The following ECHDC1 variants were observed in gnomAD, a reference collection of about 807,000 sequenced individuals.
ECHDC1 encodes ethylmalonyl-CoA decarboxylase 1.
In ECHDC1, 29 loss-of-function variants were observed where a neutral mutation model predicts 29.7. That is an observed-to-expected ratio of 0.98 (90% CI 0.73 to 1.33). ECHDC1 has a LOEUF of 1.33. Ranked by LOEUF, ECHDC1 falls within the 40% of genes most tolerant of loss-of-function variation. The pLI is 0.00. For synonymous variants in ECHDC1, 126 were observed against 123.1 expected, an observed-to-expected ratio of 1.02 and a Z score of -0.15; for missense variants, 328 against 350.0, an observed-to-expected ratio of 0.94 and a Z score of 0.50.
intron 3 of ECHDC1, chr6:127,317,957 G>A (rs1279717253): frequency 6.6e-6 from 1 of 152,150 alleles, no homozygotes; most frequent in Non-Finnish European, 1.5e-5. Context: ...TGCATTCAGG[G>A]TGGTATGGCT....
chr6:127,332,565 G>C (rs191084038), intron 1 of ECHDC1, among the ~76,000 whole-genome samples: 22 of 152,204 alleles, frequency 1.4e-4, no homozygotes, highest in African/African-American at 5.3e-4. Context: ...AAACTTCTGT[G>C]GGGGAGGGTG....
Position 127,314,848 on chromosome 6 carries a change from T to A in ECHDC1, c.465A>T (p.Gly155=), listed in dbSNP as rs776827775. 1.2e-6 allele frequency: 2 copies of A among 1,611,852 alleles called. No homozygotes were observed. Among genetic ancestry groups the A allele is most frequent in the Admixed American group, 3.3e-5 (2 of 59,908 alleles). ...VALVQGWALG[G]GAEFTTACDF... ...CACATGCTGTAGTAAATTCTGCTCCTCCACCCAATGCCCAACCTTGAACCA... is the reference window on the plus strand; with the variant it reads ...CACATGCTGTAGTAAATTCTGCTCCACCACCCAATGCCCAACCTTGAACCA... Residue 155 remains glycine, a synonymous_variant, in exon 5 of 6, where the codon GGA becomes GGT. Coordinates refer to ENST00000454859, the MANE Select transcript of ECHDC1 (RefSeq NM_001002030.2).
intron 5 of ECHDC1, among the ~76,000 whole-genome samples, chr6:127,296,198 C>G (rs75833408): frequency 0.011 from 1,728 of 152,130 alleles, 34 homozygotes; most frequent in African/African-American, 0.038. Flanking sequence ...GTGTGTGTGT[C>G]TGTTTTTTTT....
chr6:127,322,648 A>G (rs1205408119), intron 3 of ECHDC1, among the ~76,000 whole-genome samples: 4 of 149,898 alleles, frequency 2.7e-5, no homozygotes, highest in East Asian at 1.9e-4. Flanking sequence ...ATATGTGTGT[A>G]TATATATATA....
At chr6:127,324,518 G>A (rs1045586019) in intron 3 of ECHDC1, among the ~76,000 whole-genome samples, 1 of 152,140 alleles carries the variant, frequency 6.6e-6, no homozygotes, top group Non-Finnish European at 1.5e-5. Flanking sequence ...CCAGGAATGT[G>A]CTATATCAAT....
intron 1 of ECHDC1, among the ~76,000 whole-genome samples, chr6:127,339,760 G>T (rs1323749582): frequency 1.7e-5 from 2 of 119,250 alleles, no homozygotes; most frequent in Non-Finnish European, 3.6e-5. Context: ...GTGACAGAGC[G>T]AGAGACTCTG....
At chr6:127,318,718 G>A (rs1449081698) in intron 3 of ECHDC1, among the ~76,000 whole-genome samples, 3 of 152,136 alleles carry the variant, frequency 2.0e-5, no homozygotes, top group South Asian at 2.1e-4. Context: ...CTCCTCAGAC[G>A]CTAGTAAAAT....
chr6:127,316,838 T>C (rs1443871434), intron 3 of ECHDC1, among the ~76,000 whole-genome samples: 1 of 152,114 alleles, frequency 6.6e-6, no homozygotes, highest in African/African-American at 2.4e-5. Context: ...CTTAAGATGA[T>C]AAACATATAA....
chr6:127,296,825 C>T (rs1313002706), intron 5 of ECHDC1, among the ~76,000 whole-genome samples: 1 of 151,854 alleles, frequency 6.6e-6, no homozygotes, highest in African/African-American at 2.4e-5. Context: ...GGCAACATGA[C>T]AAAACCCCGT....
intron 5 of ECHDC1, among the ~76,000 whole-genome samples, chr6:127,304,874 CA>C (rs1781328415): frequency 6.6e-6 from 1 of 151,284 alleles, no homozygotes; most frequent in African/African-American, 2.4e-5. Flanking sequence ...TCAGAGAAGA[CA>C]AAAGAAAAAA....
At chr6:127,333,265 A>G (rs1267402057) in intron 1 of ECHDC1, among the ~76,000 whole-genome samples, 2 of 152,146 alleles carry the variant, frequency 1.3e-5, no homozygotes, top group Non-Finnish European at 2.9e-5. Flanking sequence ...CAGCCATCTT[A>G]TTTAGGAATA....
At chr6:127,314,762 ATTTGAGCAAG>A in intron 5 of ECHDC1, 44 bp downstream of exon 5, 17 of 1,418,124 alleles carry the variant, frequency 1.2e-5, no homozygotes, top group African/African-American at 1.4e-5. Flanking sequence ...GCAAAAATGA[ATTTGAGCAAG>A]TTAATTATAT....
intron 1 of ECHDC1, among the ~76,000 whole-genome samples, chr6:127,338,305 C>T (rs915795384): frequency 5.3e-4 from 81 of 152,174 alleles, no homozygotes; most frequent in African/African-American, 1.9e-3. Flanking sequence ...AAAATATGCA[C>T]ACATAAAGCA....
At chr6:127,296,147 A>G (rs1167635268) in intron 5 of ECHDC1, among the ~76,000 whole-genome samples, 3 of 152,208 alleles carry the variant, frequency 2.0e-5, no homozygotes, top group Non-Finnish European at 4.4e-5. Context: ...TGAAATCCAG[A>G]TGCAACTTTT....
At chr6:127,337,200 G>GA (rs1378939190) in intron 1 of ECHDC1, among the ~76,000 whole-genome samples, 4 of 152,126 alleles carry the variant, frequency 2.6e-5, no homozygotes, top group Non-Finnish European at 5.9e-5. Flanking sequence ...TTTCTTGTGG[G>GA]AAAAATCCAC....
chr6:127,333,714 C>G (rs181808707), intron 1 of ECHDC1, among the ~76,000 whole-genome samples: 50 of 147,392 alleles, frequency 3.4e-4, no homozygotes, highest in African/African-American at 1.2e-3. Context: ...CACACACACA[C>G]AGTTTACCAG....
intron 1 of ECHDC1, chr6:127,342,502 T>G: frequency 5.0e-6 from 4 of 794,586 alleles, no homozygotes; most frequent in Non-Finnish European, 7.7e-6. Flanking sequence ...ATTACTGCGC[T>G]GCTCCCTCCC....
At chr6:127,320,573 T>C (rs1782754354) in intron 3 of ECHDC1, among the ~76,000 whole-genome samples, 1 of 152,232 alleles carries the variant, frequency 6.6e-6, no homozygotes, top group African/African-American at 2.4e-5. Flanking sequence ...AGCAGGTTTT[T>C]ATTTCTCCAT....
intron 5 of ECHDC1, among the ~76,000 whole-genome samples, chr6:127,303,061 ATCTC>A (rs1487833333): frequency 6.6e-6 from 1 of 152,118 alleles, no homozygotes; most frequent in Non-Finnish European, 1.5e-5. Flanking sequence ...AAACTAGAAA[ATCTC>A]TATTTGTGTG....
Sources: allele counts gnomAD v4.1 joint callset (sites outside exome capture counted in the v4.1 genomes callset), GRCh38; gene constraint gnomAD v4.1.1; transcripts MANE v1.5; gene names NCBI Gene and HGNC (gene_info 2026-07-23, HGNC 2026-07-21).